GNB1: variants seen among roughly 807,000 people sequenced by gnomAD.
GNB1 encodes the protein guanine nucleotide-binding protein G(I)/G(S)/G(T) subunit beta-1.
In GNB1, 2 loss-of-function variants were observed where a neutral mutation model predicts 42.9. The observed-to-expected ratio is 0.05, with a 90% CI of 0.02 to 0.15. The LOEUF (loss-of-function observed/expected upper bound fraction) is 0.15. GNB1 is among the 10% of genes least tolerant of loss of function. The pLI, the probability that GNB1 is intolerant of heterozygous loss-of-function variation, is 1.00. For missense variants in GNB1, 193 were observed against 462.2 expected (o/e 0.42, Z 5.34); for synonymous variants, 183 against 174.7 (o/e 1.05, Z -0.38).
intron 2 of GNB1, among the ~76,000 whole-genome samples, chr1:1,838,767 T>A (rs1036223059): frequency 3.9e-5 from 6 of 152,006 alleles, no homozygotes; most frequent in African/African-American, 1.5e-4. Flanking sequence ...TCAACTAAGA[T>A]CTGATTTGAA....
chr1:1,845,892 TC>T (rs1647634338), intron 1 of GNB1, among the ~76,000 whole-genome samples: 1 of 150,606 alleles, frequency 6.6e-6, no homozygotes, highest in Admixed American at 6.6e-5. Flanking sequence ...CTATCTCTTG[TC>T]AACTGAAAGG....
intron 1 of GNB1, among the ~76,000 whole-genome samples, chr1:1,876,962 A>G (rs1649577576): frequency 1.3e-5 from 2 of 152,138 alleles, no homozygotes; most frequent in Non-Finnish European, 2.9e-5. Flanking sequence ...AAGATGAATG[A>G]CATTTGGAAA....
intron 1 of GNB1, among the ~76,000 whole-genome samples, chr1:1,850,146 T>C (rs561222073): frequency 8.6e-4 from 130 of 151,728 alleles, no homozygotes; most frequent in Non-Finnish European, 1.3e-3. Context: ...TTTTTTTTTT[T>C]CCAGATGGAG....
intron 1 of GNB1, among the ~76,000 whole-genome samples, chr1:1,889,230 A>G (rs758764231): frequency 3.3e-5 from 5 of 152,160 alleles, no homozygotes; most frequent in Non-Finnish European, 7.4e-5. Flanking sequence ...CCATTTGCTA[A>G]TCATGAAAAA....
chr1:1,841,438 C>T (rs1292970311), intron 1 of GNB1, among the ~76,000 whole-genome samples: 11 of 152,188 alleles, frequency 7.2e-5, no homozygotes, highest in African/African-American at 2.4e-4. Flanking sequence ...TTTCAGCCTC[C>T]GAAAGTGTTG....
Position 1,793,301 on chromosome 1 carries a change from G to A in GNB1, c.441C>T (p.Ser147=). The change falls in exon 8 of 12, where the codon TCC becomes TCT. Residue 147 remains serine (S), a synonymous_variant. Transcript: ENST00000378609. ...GATTGTCATCCAGGAATCGGCAGCA[G>A]GACAGGTAACCTGGCAAAGAACAGG... The part of the protein sequence containing the change: ...RELAGHTGYL[S]CCRFLDDNQI... The A allele has an allele frequency of 6.2e-7, 1 of 1,612,870 alleles. No individual in the cohort carries two copies. Among genetic ancestry groups the A allele is most frequent in the Non-Finnish European group, 8.5e-7 (1 of 1,179,066 alleles).
chr1:1,853,168 G>A (rs999847587), intron 1 of GNB1, among the ~76,000 whole-genome samples: 1 of 151,968 alleles, frequency 6.6e-6, no homozygotes, highest in Non-Finnish European at 1.5e-5. Flanking sequence ...TGCCTGGCCC[G>A]TTACTAATCT....
At chr1:1,822,352 A>AGT (rs1646940718) in intron 3 of GNB1, among the ~76,000 whole-genome samples, 2 of 137,504 alleles carry the variant, frequency 1.5e-5, no homozygotes, top group Admixed American at 8.0e-5. Flanking sequence ...CCCAGGCTGG[A>AGT]GTGTGCAGTG....
chr1:1,878,625 C>T (rs1236852730), intron 1 of GNB1, among the ~76,000 whole-genome samples: 1 of 152,190 alleles, frequency 6.6e-6, no homozygotes, highest in Non-Finnish European at 1.5e-5. Flanking sequence ...TCCACTGTCG[C>T]ATAGGTAACA....
intron 2 of GNB1, among the ~76,000 whole-genome samples, chr1:1,832,023 A>G (rs903163422): frequency 5.3e-5 from 8 of 150,032 alleles, no homozygotes; most frequent in African/African-American, 2.0e-4. Flanking sequence ...TGACTGTTCC[A>G]CTACACTCTA....
intron 3 of GNB1, among the ~76,000 whole-genome samples, chr1:1,821,273 C>T (rs945947050): frequency 3.9e-5 from 6 of 152,198 alleles, no homozygotes; most frequent in African/African-American, 1.4e-4. Flanking sequence ...AACACATCTA[C>T]GCCTGTGCAT....
intron 1 of GNB1, among the ~76,000 whole-genome samples, chr1:1,868,159 A>G (rs1649045038): frequency 6.6e-6 from 1 of 152,022 alleles, no homozygotes; most frequent in Admixed American, 6.6e-5. Flanking sequence ...AGGTTCCTTC[A>G]TATAGTGTGT....
intron 1 of GNB1, among the ~76,000 whole-genome samples, chr1:1,873,543 C>T (rs1039849017): frequency 2.6e-5 from 4 of 152,184 alleles, no homozygotes; most frequent in South Asian, 4.1e-4. Flanking sequence ...TGTTTTAAGT[C>T]GCTTCATTTT....
intron 1 of GNB1, among the ~76,000 whole-genome samples, chr1:1,880,106 A>AT (rs1406772090): frequency 6.6e-6 from 1 of 151,634 alleles, no homozygotes. Context: ...TAATTTTCAA[A>AT]TTTTTTTGTA....
At chr1:1,850,959 C>G (rs1291533574) in intron 1 of GNB1, among the ~76,000 whole-genome samples, 1 of 152,160 alleles carries the variant, frequency 6.6e-6, no homozygotes, top group Admixed American at 6.6e-5. Flanking sequence ...TTCGTGGCAC[C>G]ATGTATTTTT....
At chr1:1,872,798 A>G (rs1649320796) in intron 1 of GNB1, among the ~76,000 whole-genome samples, 1 of 152,082 alleles carries the variant, frequency 6.6e-6, no homozygotes, top group Non-Finnish European at 1.5e-5. Flanking sequence ...CAGAGAATGA[A>G]CCACCAGTTG....
At chr1:1,852,557 T>C (rs1267249596) in intron 1 of GNB1, among the ~76,000 whole-genome samples, 2 of 151,844 alleles carry the variant, frequency 1.3e-5, no homozygotes, top group African/African-American at 4.8e-5. Context: ...AAAATTGGCA[T>C]GGTGGTGCAT....
rs1258091970 is a variant in GNB1 at position 1,785,576 on chromosome 1, T to C, written c.*1487A>G. On this transcript the variant is annotated 3_prime_UTR_variant, in exon 12 of 12. Transcript: ENST00000378609. The stretch of plus-strand genomic sequence containing the variant: ...AGCCACTACTGCTGCTATGAAGGAG[T>C]GCGGGGGGCGGGGCGGGGGGTCCCA... The C allele has an allele frequency of 7.8e-6, 1 of 127,820 alleles. No individual in the cohort carries two copies. The highest frequency in any genetic ancestry group is 1.5e-5 in the Non-Finnish European group (1 of 65,868). 7.9% of individuals were successfully genotyped at this position (127,820 alleles called of 1,614,324 possible).
intron 8 of GNB1, among the ~76,000 whole-genome samples, chr1:1,791,491 C>G (rs576470131): frequency 6.6e-6 from 1 of 152,300 alleles, no homozygotes; most frequent in Non-Finnish European, 1.5e-5. Flanking sequence ...GGTATTCTAT[C>G]ACATTTCTGC....
Sources: gnomAD v4.1 joint callset for allele counts (sites outside exome capture counted in the v4.1 genomes callset) on GRCh38, gnomAD v4.1.1 for gene constraint, MANE v1.5 for transcripts, NCBI Gene and HGNC (gene_info 2026-07-23, HGNC 2026-07-21) for gene names.